Variants in FAM168A observed in about 807,000 individuals in gnomAD.
FAM168A encodes the protein family with sequence similarity 168 member A.
In FAM168A, 3 loss-of-function variants were observed where a neutral mutation model predicts 28.5. The ratio of observed to expected loss-of-function variants is 0.11; its 90% CI spans 0.05 to 0.27. The LOEUF is 0.27. Ranked by LOEUF, FAM168A falls within the 10% of genes least tolerant of loss-of-function variation. FAM168A has a pLI of 1.00. For synonymous variants in FAM168A, 122 were observed against 124.2 expected (o/e 0.98, Z 0.12); for missense variants, 222 against 311.5 (o/e 0.71, Z 2.16).
intron 1 of FAM168A, among the ~76,000 whole-genome samples, chr11:73,517,278 ACCTCGG>A (rs1457575559): frequency 1.3e-5 from 2 of 152,094 alleles, no homozygotes; most frequent in Non-Finnish European, 2.9e-5. Context: ...TGATCCTCTC[ACCTCGG>A]CCTCCCAAAG....
intron 2 of FAM168A, among the ~76,000 whole-genome samples, chr11:73,455,252 G>A (rs1454100885): frequency 3.9e-5 from 6 of 152,338 alleles, no homozygotes; most frequent in South Asian, 2.1e-4. Flanking sequence ...TGAGCATGGC[G>A]AGCTGAGTAA....
At chr11:73,477,097 A>T (rs1867898621) in intron 1 of FAM168A, among the ~76,000 whole-genome samples, 1 of 152,196 alleles carries the variant, frequency 6.6e-6, no homozygotes, top group South Asian at 2.1e-4. Flanking sequence ...CATTATCCTA[A>T]GCAAATTAAC....
chr11:73,585,551 A>C (rs183041034), intron 1 of FAM168A, among the ~76,000 whole-genome samples: 5 of 152,280 alleles, frequency 3.3e-5, no homozygotes, highest in Admixed American at 2.6e-4. Flanking sequence ...AATTATTTAA[A>C]TAGTTTTACA....
chr11:73,447,074 T>C (rs7941359), intron 2 of FAM168A, among the ~76,000 whole-genome samples: 33,820 of 152,136 alleles, frequency 0.22, 6,176 homozygotes, highest in African/African-American at 0.51. Context: ...GATTATTCTA[T>C]TTTCATGTCA....
Position 73,430,277 on chromosome 11 carries a change from G to GGTGTGT in FAM168A, c.151+407_151+412dup, listed in dbSNP as rs35239246. The GGTGTGT allele has an allele frequency of 1.4e-3, 239 of 175,046 alleles. 1 individual carries two copies. Among genetic ancestry groups the GGTGTGT allele is most frequent in the African/African-American group, 5.2e-3 (203 of 39,300 alleles). The allele number at this position is 175,046 out of a possible 1,614,324, so 10.8% of individuals were successfully genotyped here. On this transcript the variant is annotated intron_variant, in intron 3 of 7. Coordinates refer to ENST00000356467, the MANE Select transcript of FAM168A (RefSeq NM_015159.3). ...GTGTGTGTGTGTGTGTGTGTCCCAAGGTGTGTGTGTGTGTGTGTGTGTGTG... is the reference window on the plus strand; with the variant it reads ...GTGTGTGTGTGTGTGTGTGTCCCAAGGTGTGTGTGTGTGTGTGTGTGTGTGTGTGTG...
intron 2 of FAM168A, among the ~76,000 whole-genome samples, chr11:73,443,855 C>A (rs1394625236): frequency 1.3e-5 from 2 of 152,094 alleles, no homozygotes; most frequent in African/African-American, 4.8e-5. Context: ...CACCAGTGTC[C>A]TTTTTTCCTT....
chr11:73,504,132 A>G (rs1245097755), intron 1 of FAM168A, among the ~76,000 whole-genome samples: 1 of 152,236 alleles, frequency 6.6e-6, no homozygotes, highest in African/African-American at 2.4e-5. Flanking sequence ...AGCAATTGCA[A>G]CAAAAGCCAA....
At chr11:73,453,289 C>T (rs942080495) in intron 2 of FAM168A, among the ~76,000 whole-genome samples, 1 of 152,144 alleles carries the variant, frequency 6.6e-6, no homozygotes, top group African/African-American at 2.4e-5. Flanking sequence ...GAAAGGGGTC[C>T]TCTCTACCCA....
intron 4 of FAM168A, among the ~76,000 whole-genome samples, chr11:73,416,463 T>G (rs1186402723): frequency 1.3e-5 from 2 of 152,210 alleles, no homozygotes; most frequent in African/African-American, 4.8e-5. Flanking sequence ...GACTCCTTGT[T>G]GGTAGCCAAG....
At chr11:73,529,317 T>C (rs1201822705) in intron 1 of FAM168A, among the ~76,000 whole-genome samples, 8 of 152,248 alleles carry the variant, frequency 5.3e-5, no homozygotes, top group Non-Finnish European at 8.8e-5. Context: ...GCTTTGCCTC[T>C]TACTTTCTGT....
At chr11:73,416,929 G>A (rs1275826916) in intron 4 of FAM168A, among the ~76,000 whole-genome samples, 1 of 151,988 alleles carries the variant, frequency 6.6e-6, no homozygotes, top group African/African-American at 2.4e-5. Context: ...CTGAGTGACA[G>A]AGCAAGACCT....
chr11:73,467,838 A>G (rs1867759245), intron 2 of FAM168A, among the ~76,000 whole-genome samples: 1 of 152,250 alleles, frequency 6.6e-6, no homozygotes, highest in Admixed American at 6.5e-5. Context: ...TAATTTTGTT[A>G]GAATAAATAT....
chr11:73,554,823 T>C (rs1281022411), intron 1 of FAM168A, among the ~76,000 whole-genome samples: 2 of 152,210 alleles, frequency 1.3e-5, no homozygotes, highest in African/African-American at 4.8e-5. Context: ...TTTCAGAATG[T>C]CTGTCATCAG....
chr11:73,464,735 T>C (rs1331558672), intron 2 of FAM168A, among the ~76,000 whole-genome samples: 2 of 152,226 alleles, frequency 1.3e-5, no homozygotes, highest in East Asian at 3.8e-4. Flanking sequence ...AAGGGCTTCA[T>C]CTGTTCTCCC....
At chr11:73,436,296 CAG>C (rs1214646142) in intron 2 of FAM168A, among the ~76,000 whole-genome samples, 1 of 152,090 alleles carries the variant, frequency 6.6e-6, no homozygotes, top group Non-Finnish European at 1.5e-5. Flanking sequence ...CAACAGAAAT[CAG>C]GGGACTATTT....
intron 1 of FAM168A, among the ~76,000 whole-genome samples, chr11:73,584,087 G>A (rs978917221): frequency 5.3e-5 from 8 of 152,176 alleles, no homozygotes; most frequent in African/African-American, 1.9e-4. Context: ...TGCTTCTGGG[G>A]CAGGGGATTA....
chr11:73,588,455 C>T (rs1402643463), intron 1 of FAM168A, among the ~76,000 whole-genome samples: 1 of 152,072 alleles, frequency 6.6e-6, no homozygotes, highest in East Asian at 1.9e-4. Flanking sequence ...CTTTGGGAGG[C>T]TGGGTCAGGG....
chr11:73,444,138 T>A (rs1373192838), intron 2 of FAM168A, among the ~76,000 whole-genome samples: 1 of 152,188 alleles, frequency 6.6e-6, no homozygotes, highest in Non-Finnish European at 1.5e-5. Context: ...CTAATCCTCA[T>A]GAACACAAGG....
At chr11:73,488,091 T>G (rs1214411853) in intron 1 of FAM168A, among the ~76,000 whole-genome samples, 1 of 152,102 alleles carries the variant, frequency 6.6e-6, no homozygotes. Context: ...AAAGTTAAAA[T>G]TTAACTTTAA....
Sources: allele counts gnomAD v4.1 joint callset (sites outside exome capture counted in the v4.1 genomes callset), GRCh38; gene constraint gnomAD v4.1.1; transcripts MANE v1.5; gene names NCBI Gene and HGNC (gene_info 2026-07-23, HGNC 2026-07-21).